RERE: variants seen among roughly 807,000 people sequenced by gnomAD.
RERE encodes the protein arginine-glutamic acid dipeptide repeats protein.
RERE carries 40 observed loss-of-function variants against 146.1 expected under a neutral mutation model. The observed-to-expected ratio is 0.27, with a 90% CI of 0.21 to 0.36. The LOEUF (loss-of-function observed/expected upper bound fraction) is 0.36. RERE is among the 10% of genes least tolerant of loss of function. The pLI, the probability that RERE is intolerant of heterozygous loss-of-function variation, is 1.00. For synonymous variants in RERE, 1,003 were observed against 866.0 expected (o/e 1.16, Z -2.78); for missense variants, 1,933 against 2,138.7 (o/e 0.90, Z 1.90).
chr1:8,696,341 G>T, intron 1 of RERE, among the ~76,000 whole-genome samples: 1 of 152,170 alleles, frequency 6.6e-6, no homozygotes, highest in South Asian at 2.1e-4. Flanking sequence ...GGCTGGGTAC[G>T]GTAGCTCGCG....
chr1:8,470,927 T>G (rs111645932), intron 10 of RERE, among the ~76,000 whole-genome samples: 129 of 147,356 alleles, frequency 8.8e-4, no homozygotes, highest in African/African-American at 3.2e-3. Context: ...CAAGCGATTC[T>G]CCTGCCTCAG....
intron 12 of RERE, among the ~76,000 whole-genome samples, chr1:8,415,239 T>G (rs1367585226): frequency 6.6e-6 from 1 of 152,224 alleles, no homozygotes; most frequent in Admixed American, 6.5e-5. Context: ...CTTGTAAGTC[T>G]TTCTAAAGAC....
chr1:8,557,572 C>T, intron 4 of RERE, 49 bp from the exon 5 acceptor site: 1 of 1,240,648 alleles, frequency 8.1e-7, no homozygotes, highest in Non-Finnish European at 1.2e-6. Flanking sequence ...CAGGTGGCCA[C>T]AAGTGCATAT....
intron 12 of RERE, among the ~76,000 whole-genome samples, chr1:8,420,881 G>A (rs1228676408): frequency 1.3e-5 from 2 of 152,002 alleles, no homozygotes; most frequent in South Asian, 2.1e-4. Context: ...GCCTCTGAAG[G>A]AGAAAAAAGG....
intron 1 of RERE, among the ~76,000 whole-genome samples, chr1:8,736,799 C>T (rs1400072360): frequency 7.1e-6 from 1 of 140,010 alleles, no homozygotes; most frequent in East Asian, 2.2e-4. Context: ...ACTTGGTCTT[C>T]ACCAAGAACA....
At chr1:8,541,348 A>C in intron 6 of RERE, 30 bp from the exon 7 acceptor site, 3 of 1,433,830 alleles carry the variant, frequency 2.1e-6, no homozygotes, top group Non-Finnish European at 2.9e-6. Flanking sequence ...ATAATTAGTA[A>C]TACCCTCAAC....
chr1:8,799,890 C>A (rs372636451), intron 1 of RERE, among the ~76,000 whole-genome samples: 59 of 151,996 alleles, frequency 3.9e-4, no homozygotes, highest in African/African-American at 1.4e-3. Flanking sequence ...CCGCTCACCA[C>A]AACCTCCATC....
chr1:8,473,836 TAGCTGTA>T (rs1644721486), intron 10 of RERE, among the ~76,000 whole-genome samples: 1 of 152,288 alleles, frequency 6.6e-6, no homozygotes, highest in Middle Eastern at 3.4e-3. Context: ...AAATGTAAAA[TAGCTGTA>T]AGCTGTACAG....
At chr1:8,796,419 A>ATT (rs1388439833) in intron 1 of RERE, among the ~76,000 whole-genome samples, 1 of 152,164 alleles carries the variant, frequency 6.6e-6, no homozygotes, top group African/African-American at 2.4e-5. Context: ...AGAAAATCTA[A>ATT]TTAAAAGCCC....
intron 11 of RERE, among the ~76,000 whole-genome samples, chr1:8,427,935 T>C (rs1557627295): frequency 6.6e-6 from 1 of 152,190 alleles, no homozygotes. Context: ...TTTAAGACTT[T>C]AACAATTAAC....
chr1:8,456,367 T>TA (rs1277075879), intron 11 of RERE, among the ~76,000 whole-genome samples: 1 of 152,208 alleles, frequency 6.6e-6, no homozygotes, highest in African/African-American at 2.4e-5. Context: ...TTCTTGCTCC[T>TA]ACTCAGGAAA....
At chr1:8,749,393 A>T (rs903762565) in intron 1 of RERE, among the ~76,000 whole-genome samples, 1 of 152,152 alleles carries the variant, frequency 6.6e-6, no homozygotes, top group African/African-American at 2.4e-5. Flanking sequence ...CAAAAAATAC[A>T]TAAGTAAAAA....
intron 1 of RERE, among the ~76,000 whole-genome samples, chr1:8,763,846 C>A (rs1204347225): frequency 6.6e-6 from 1 of 151,250 alleles, no homozygotes; most frequent in Non-Finnish European, 1.5e-5. Context: ...GAGGCCGAGG[C>A]AGGAGAATCA....
intron 12 of RERE, among the ~76,000 whole-genome samples, chr1:8,377,369 A>G (rs1207393374): frequency 6.6e-6 from 1 of 152,168 alleles, no homozygotes; most frequent in East Asian, 1.9e-4. Context: ...TTTAAGTGTA[A>G]TAATGCTAAT....
chr1:8,545,874 G>A (rs889086091), intron 6 of RERE, among the ~76,000 whole-genome samples: 2 of 148,832 alleles, frequency 1.3e-5, no homozygotes, highest in African/African-American at 4.9e-5. Context: ...TAGTAGAGAC[G>A]AGGTTTCACT....
intron 4 of RERE, among the ~76,000 whole-genome samples, chr1:8,559,470 T>C (rs1206110353): frequency 6.6e-6 from 1 of 151,986 alleles, no homozygotes; most frequent in African/African-American, 2.4e-5. Context: ...CTCTTTAATA[T>C]TTATGCATTT....
chr1:8,497,506 T>C lies in RERE; in HGVS notation c.903A>G (p.Pro301=). ...SHQAKLPDLQ[P]FPSPDGDTVT... ...CTGTATCACCATCTGGAGAAGGAAA[T>C]GGTTGCAGATCTGGAAGTTTGGCCT... Residue 301 remains proline, a synonymous_variant, in exon 9 of 23, where the codon CCA becomes CCG. Transcript: ENST00000400908. 1 of 1,614,076 alleles carries C rather than the reference T, an allele frequency of 6.2e-7. No homozygotes were observed. The highest frequency in any genetic ancestry group is 8.5e-7 in the Non-Finnish European group (1 of 1,179,988).
chr1:8,494,570 C>A (rs566961768), intron 10 of RERE, among the ~76,000 whole-genome samples: 1 of 151,976 alleles, frequency 6.6e-6, no homozygotes, highest in South Asian at 2.1e-4. Flanking sequence ...ACTAAAAATA[C>A]AAAAAATTAG....
At chr1:8,464,264 T>C (rs561749077) in intron 11 of RERE, among the ~76,000 whole-genome samples, 2 of 152,174 alleles carry the variant, frequency 1.3e-5, no homozygotes, top group Non-Finnish European at 2.9e-5. Flanking sequence ...TTTCAGTGCA[T>C]CTCAGCTCCG....
Sources: allele counts gnomAD v4.1 joint callset (sites outside exome capture counted in the v4.1 genomes callset), GRCh38; gene constraint gnomAD v4.1.1; transcripts MANE v1.5; gene names NCBI Gene and HGNC (gene_info 2026-07-23, HGNC 2026-07-21).